Variants in MGRN1 observed in about 807,000 individuals in gnomAD.
The protein encoded by MGRN1 is mahogunin ring finger 1.
MGRN1 carries 29 observed loss-of-function variants against 69.2 expected under a neutral mutation model. The observed-to-expected ratio is 0.42, with a 90% CI of 0.31 to 0.57. The LOEUF is 0.57. Ranked by LOEUF, MGRN1 falls within the 20% of genes least tolerant of loss-of-function variation. MGRN1 has a pLI of 0.15. For missense variants in MGRN1, 998 were observed against 796.2 expected (o/e 1.25, Z -3.05); for synonymous variants, 470 against 344.2 (o/e 1.37, Z -4.04).
chr16:4,677,221 G>C (rs963258639), intron 10 of MGRN1: 2 of 395,460 alleles, frequency 5.1e-6, no homozygotes, highest in Non-Finnish European at 9.0e-6. Context: ...CGTCTTTGGA[G>C]CGCCCCCTCC....
intron 7 of MGRN1, among the ~76,000 whole-genome samples, chr16:4,665,362 CTT>C (rs373526884): frequency 3.5e-5 from 5 of 141,626 alleles, no homozygotes; most frequent in Admixed American, 7.1e-5. Flanking sequence ...TTAGCATTTC[CTT>C]TTTTTTTTTT....
intron 1 of MGRN1, chr16:4,633,474 C>T (rs1217495784): frequency 2.0e-5 from 3 of 151,732 alleles, no homozygotes; most frequent in Non-Finnish European, 4.4e-5. Context: ...GGTGGATCAC[C>T]TGAGGTCGGA....
intron 16 of MGRN1, chr16:4,687,156 T>A (rs941767685): frequency 2.0e-6 from 2 of 985,380 alleles, no homozygotes; most frequent in South Asian, 4.7e-5. Context: ...TGGAACCTTC[T>A]GGAACACCAG....
chr16:4,689,030 G>A lies in MGRN1; in HGVS notation c.*122G>A. The A allele has an allele frequency of 7.5e-7, 1 of 1,337,802 alleles. No individual in the cohort carries two copies. The allele number at this position is 1,337,802 out of a possible 1,614,324, so 82.9% of individuals were successfully genotyped here. A position where few individuals can be genotyped will look rare whatever the true frequency, so the allele number is the denominator to read the frequency against. The stretch of plus-strand genomic sequence containing the variant: ...GCCCCCTGTGGCCACCAGGCTCCGA[G>A]GGGCCGTGGTGACTCTTGATCAAAG... On this transcript the variant is annotated 3_prime_UTR_variant, in exon 17 of 17. Transcript: ENST00000262370.
intron 11 of MGRN1, among the ~76,000 whole-genome samples, chr16:4,678,706 G>C (rs370606194): frequency 6.6e-6 from 1 of 152,224 alleles, no homozygotes; most frequent in South Asian, 2.1e-4. Context: ...CTGGCCACGC[G>C]CATTGTCAGA....
At chr16:4,626,851 C>A (rs1684608) in intron 1 of MGRN1, among the ~76,000 whole-genome samples, 35,111 of 152,176 alleles carry the variant, frequency 0.23, 4,760 homozygotes, top group African/African-American at 0.36. Context: ...CACCCAGGTG[C>A]AACCCATCAG....
chr16:4,671,767 G>A (rs538941474), intron 9 of MGRN1, among the ~76,000 whole-genome samples: 151 of 152,172 alleles, frequency 9.9e-4, no homozygotes, highest in African/African-American at 3.2e-3. Context: ...GCTCCTGCCC[G>A]CCTCCCCAGA....
intron 1 of MGRN1, among the ~76,000 whole-genome samples, chr16:4,636,757 C>T (rs1898313769): frequency 6.6e-6 from 1 of 152,052 alleles, no homozygotes; most frequent in Admixed American, 6.6e-5. Context: ...GAGCGCCTTT[C>T]TCTATGCGAA....
intron 1 of MGRN1, among the ~76,000 whole-genome samples, chr16:4,643,350 C>T (rs970486831): frequency 2.0e-5 from 3 of 151,926 alleles, no homozygotes; most frequent in African/African-American, 7.3e-5. Context: ...CCCACCTTGG[C>T]CTCCCAAAGT....
intron 5 of MGRN1, 63 bp downstream of exon 5, chr16:4,657,426 G>C: frequency 6.7e-7 from 1 of 1,500,178 alleles, no homozygotes; most frequent in Non-Finnish European, 9.3e-7. Flanking sequence ...CTTGGGGGTG[G>C]GGCCAGCACA....
intron 5 of MGRN1, among the ~76,000 whole-genome samples, chr16:4,660,822 C>G (rs754282414): frequency 6.6e-6 from 1 of 152,196 alleles, no homozygotes; most frequent in Non-Finnish European, 1.5e-5. Context: ...CCTACAGTCC[C>G]AGCATGATCA....
At position 4,648,141 on chromosome 16, in the gene MGRN1, C is replaced by T. The variant is rs532048925; in HGVS notation, c.89-2224C>T. Among the ~76,000 whole-genome samples the T allele has an allele frequency of 2.6e-5, 4 of 152,256 alleles. No individual in the cohort carries two copies. The East Asian group carries it at 7.7e-4, about 29-fold the overall frequency. On this transcript the variant is annotated intron_variant, in intron 1 of 16. Transcript: ENST00000262370. ...CCCCAGTGGGAATTCTGAGAATTCC[C>T]AGAAGTCCCTGCAATACGTGAGGTT...
intron 1 of MGRN1, among the ~76,000 whole-genome samples, chr16:4,636,114 C>T (rs1362743585): frequency 2.6e-5 from 4 of 152,034 alleles, no homozygotes; most frequent in Admixed American, 6.6e-5. Flanking sequence ...GGCTAGCATA[C>T]ATTTAGGAAA....
intron 10 of MGRN1, among the ~76,000 whole-genome samples, chr16:4,674,751 C>T (rs867279871): frequency 6.2e-4 from 92 of 149,150 alleles, no homozygotes; most frequent in African/African-American, 2.0e-3. Flanking sequence ...CGCCATTCTC[C>T]TGCCTCAGCC....
chr16:4,630,281 C>A (rs1213702072), intron 1 of MGRN1, among the ~76,000 whole-genome samples: 1 of 143,276 alleles, frequency 7.0e-6, no homozygotes, highest in South Asian at 2.3e-4. Flanking sequence ...GAACCCGGAG[C>A]GCGGCAGAGG....
At chr16:4,687,151 C>A (rs1490783354) in intron 16 of MGRN1, 3 of 985,304 alleles carry the variant, frequency 3.0e-6, no homozygotes, top group Non-Finnish European at 3.6e-6. Flanking sequence ...AGTACTGGAA[C>A]CTTCTGGAAC....
At chr16:4,629,671 G>A (rs979845619) in intron 1 of MGRN1, among the ~76,000 whole-genome samples, 1 of 151,754 alleles carries the variant, frequency 6.6e-6, no homozygotes, top group Admixed American at 6.6e-5. Flanking sequence ...CCCGGGAGGC[G>A]GGGGTTGCAG....
chr16:4,652,840 G>C lies in MGRN1; in HGVS notation c.443+16G>C, dbSNP rs1235867760. 1.3e-6 allele frequency: 2 copies of C among 1,581,214 alleles called. No homozygotes were observed. Among genetic ancestry groups the C allele is most frequent in the South Asian group, 2.3e-5 (2 of 87,058 alleles). ...GCAGGGCAGTGTGAGTCCCGCGGGC[G>C]GCTGGCACCGGCCTGGCTGGGGGCC... On this transcript the variant is annotated intron_variant, in intron 4 of 16. Transcript: ENST00000262370.
intron 1 of MGRN1, among the ~76,000 whole-genome samples, chr16:4,636,900 A>G (rs1046836209): frequency 1.3e-5 from 2 of 151,716 alleles, no homozygotes; most frequent in Non-Finnish European, 2.9e-5. Context: ...CGGGCAGATC[A>G]CAAGGTCAGG....
Sources: allele counts gnomAD v4.1 joint callset (sites outside exome capture counted in the v4.1 genomes callset), GRCh38; gene constraint gnomAD v4.1.1; transcripts MANE v1.5; gene names NCBI Gene and HGNC (gene_info 2026-07-23, HGNC 2026-07-21).